Variants in HS3ST4 observed in about 807,000 individuals in gnomAD.
HS3ST4 encodes heparan sulfate glucosamine 3-O-sulfotransferase 4.
Under a neutral mutation model 29.2 loss-of-function variants are expected in HS3ST4, and 17 were observed. The observed-to-expected ratio is 0.58, with a 90% CI of 0.40 to 0.87. The LOEUF (loss-of-function observed/expected upper bound fraction) is 0.87. HS3ST4 is among the 40% of genes least tolerant of loss of function. The pLI is 0.00. For synonymous variants in HS3ST4, 314 were observed against 285.7 expected (o/e 1.10, Z -1.00); for missense variants, 627 against 634.5 (o/e 0.99, Z 0.13).
At chr16:25,884,340 C>G in intron 1 of HS3ST4, among the ~76,000 whole-genome samples, 1 of 152,200 alleles carries the variant, frequency 6.6e-6, no homozygotes, top group African/African-American at 2.4e-5. Flanking sequence ...ATTCAAGTCT[C>G]AGATCAAAAT....
At chr16:25,988,648 G>A (rs1403708926) in intron 1 of HS3ST4, among the ~76,000 whole-genome samples, 1 of 152,118 alleles carries the variant, frequency 6.6e-6, no homozygotes, top group Non-Finnish European at 1.5e-5. Flanking sequence ...ACTTATGAGT[G>A]GGAGCTAAAT....
chr16:25,752,179 C>T (rs933435788), intron 1 of HS3ST4, among the ~76,000 whole-genome samples: 4 of 152,158 alleles, frequency 2.6e-5, no homozygotes, highest in African/African-American at 9.7e-5. Flanking sequence ...TCTGGGGTCA[C>T]AGTCACTAAT....
At chr16:26,070,571 G>A (rs954242847) in intron 1 of HS3ST4, among the ~76,000 whole-genome samples, 6 of 152,144 alleles carry the variant, frequency 3.9e-5, no homozygotes, top group African/African-American at 1.4e-4. Context: ...GTTATACAGC[G>A]TCTTAGAGAT....
chr16:26,110,715 T>C (rs1294431893), intron 1 of HS3ST4, among the ~76,000 whole-genome samples: 1 of 152,166 alleles, frequency 6.6e-6, no homozygotes, highest in East Asian at 1.9e-4. Context: ...GTAATTCAGA[T>C]CATGACAGTT....
chr16:25,773,018 T>C (rs1005838930), intron 1 of HS3ST4, among the ~76,000 whole-genome samples: 2 of 152,176 alleles, frequency 1.3e-5, no homozygotes, highest in Non-Finnish European at 2.9e-5. Flanking sequence ...AGTATTCAGA[T>C]TCTCTATTAG....
At chr16:26,025,847 C>T (rs1969465467) in intron 1 of HS3ST4, among the ~76,000 whole-genome samples, 1 of 152,214 alleles carries the variant, frequency 6.6e-6, no homozygotes, top group African/African-American at 2.4e-5. Flanking sequence ...GTGATCTTGG[C>T]TCACTGTAAC....
At chr16:25,711,827 C>T (rs7186055) in intron 1 of HS3ST4, among the ~76,000 whole-genome samples, 3 of 152,120 alleles carry the variant, frequency 2.0e-5, no homozygotes, top group East Asian at 1.9e-4. Context: ...CTATCAGGGC[C>T]GATTTTGCCC....
chr16:25,983,500 G>T (rs1969030021), intron 1 of HS3ST4, among the ~76,000 whole-genome samples: 1 of 152,088 alleles, frequency 6.6e-6, no homozygotes, highest in African/African-American at 2.4e-5. Flanking sequence ...TCCTTTTGTA[G>T]CAACCCCATC....
intron 1 of HS3ST4, among the ~76,000 whole-genome samples, chr16:25,913,829 G>A (rs964010455): frequency 2.7e-5 from 4 of 147,332 alleles, no homozygotes; most frequent in Non-Finnish European, 6.0e-5. Context: ...GCACGGGGGA[G>A]GTGTATGTAT....
At chr16:25,828,286 T>G (rs1316779825) in intron 1 of HS3ST4, among the ~76,000 whole-genome samples, 5 of 80,530 alleles carry the variant, frequency 6.2e-5, no homozygotes, top group African/African-American at 1.6e-4. Context: ...CTTTCTTTCT[T>G]TCTTTCTTTC....
Position 26,044,655 on chromosome 16 carries a change from G to T in HS3ST4, c.735-90957G>T, listed in dbSNP as rs766981982. 5.3e-5 allele frequency among the ~76,000 whole-genome samples: 8 copies of T among 152,164 alleles called. 1 individual carries two copies. The highest frequency in any genetic ancestry group is 5.9e-5 in the Non-Finnish European group (4 of 68,028). ...AAAAATAGGAGGGATCTAGATTAGGGATGGGCAAGCTAGGGATACATATCC... is the reference window on the plus strand; with the variant it reads ...AAAAATAGGAGGGATCTAGATTAGGTATGGGCAAGCTAGGGATACATATCC... On this transcript the variant is annotated intron_variant, in intron 1 of 1. Transcript: ENST00000331351.
chr16:26,110,337 T>A (rs146820061), intron 1 of HS3ST4, among the ~76,000 whole-genome samples: 87 of 152,340 alleles, frequency 5.7e-4, no homozygotes, highest in Non-Finnish European at 9.1e-4. Context: ...CTTAGGTTGA[T>A]TTCATGTCTT....
intron 1 of HS3ST4, among the ~76,000 whole-genome samples, chr16:25,740,256 A>G (rs568927101): frequency 6.6e-6 from 1 of 152,334 alleles, no homozygotes; most frequent in African/African-American, 2.4e-5. Context: ...GAAACAGAGA[A>G]ATTGATGATA....
intron 1 of HS3ST4, among the ~76,000 whole-genome samples, chr16:25,822,762 G>A (rs1451126356): frequency 6.6e-6 from 1 of 151,900 alleles, no homozygotes; most frequent in African/African-American, 2.4e-5. Context: ...TTTTGAGACA[G>A]GGTCTTTCTC....
At chr16:26,042,051 G>T (rs1969640624) in intron 1 of HS3ST4, among the ~76,000 whole-genome samples, 1 of 152,170 alleles carries the variant, frequency 6.6e-6, no homozygotes. Flanking sequence ...CTGGCAAGCA[G>T]CAAAAGCTTG....
chr16:26,081,131 A>C (rs1272383760), intron 1 of HS3ST4, among the ~76,000 whole-genome samples: 1 of 152,076 alleles, frequency 6.6e-6, no homozygotes, highest in Non-Finnish European at 1.5e-5. Flanking sequence ...TACTAAAAAT[A>C]CAAAAATTAG....
chr16:25,925,023 G>A (rs868471440), intron 1 of HS3ST4, among the ~76,000 whole-genome samples: 2 of 152,058 alleles, frequency 1.3e-5, no homozygotes, highest in African/African-American at 2.4e-5. Context: ...CCCATGGGTA[G>A]AGTAAAGTGG....
At chr16:26,112,792 G>A (rs1339742995) in intron 1 of HS3ST4, among the ~76,000 whole-genome samples, 1 of 152,122 alleles carries the variant, frequency 6.6e-6, no homozygotes, top group Non-Finnish European at 1.5e-5. Flanking sequence ...TAAATTCAGG[G>A]AAATTCAAAT....
At chr16:26,051,892 CCCT>C (rs1898351397) in intron 1 of HS3ST4, among the ~76,000 whole-genome samples, 2 of 107,664 alleles carry the variant, frequency 1.9e-5, no homozygotes, top group South Asian at 3.5e-4. Context: ...CTCCCTCCCT[CCCT>C]CCCTCCCTCC....
Sources: allele counts gnomAD v4.1 joint callset (sites outside exome capture counted in the v4.1 genomes callset), GRCh38; gene constraint gnomAD v4.1.1; transcripts MANE v1.5; gene names NCBI Gene and HGNC (gene_info 2026-07-23, HGNC 2026-07-21).